The following LAMC1 variants were observed in gnomAD, a reference collection of about 807,000 sequenced individuals.
LAMC1 encodes laminin subunit gamma-1.
A neutral mutation model predicts 173.6 loss-of-function variants in LAMC1; 38 were observed. The ratio of observed to expected loss-of-function variants is 0.22; its 90% CI spans 0.17 to 0.29. The LOEUF (loss-of-function observed/expected upper bound fraction) is 0.29, where lower values mean the gene tolerates loss of function less well. Among genes scored for constraint, LAMC1 ranks in the 10% least tolerant of loss-of-function variants. LAMC1 has a pLI of 1.00. For missense variants in LAMC1, 1,824 were observed against 2,051.8 expected, an observed-to-expected ratio of 0.89 and a Z score of 2.14; for synonymous variants, 746 against 749.1, an observed-to-expected ratio of 1.00 and a Z score of 0.07.
chr1:183,086,208 G>A (rs1044806115), intron 1 of LAMC1, among the ~76,000 whole-genome samples: 5 of 152,230 alleles, frequency 3.3e-5, no homozygotes, highest in African/African-American at 1.2e-4. Flanking sequence ...TGACTTAACA[G>A]TGCAGAATCA....
At chr1:183,073,424 T>C (rs1403355746) in intron 1 of LAMC1, among the ~76,000 whole-genome samples, 2 of 152,056 alleles carry the variant, frequency 1.3e-5, no homozygotes, top group Non-Finnish European at 1.5e-5. Flanking sequence ...AGAGTCAGAG[T>C]TCAGGGCCTT....
intron 1 of LAMC1, 108 bp downstream of exon 1, chr1:183,024,242 C>A (rs1398710043): frequency 1.3e-5 from 14 of 1,084,244 alleles, no homozygotes; most frequent in Non-Finnish European, 1.8e-5. Context: ...CGCGTGTTTG[C>A]TCTCTGTTCC....
At position 183,114,585 on chromosome 1, in the gene LAMC1, G is replaced by A. The variant is rs374494326; in HGVS notation, c.1076G>A (p.Arg359His). Reference protein sequence around the residue: ...QECYFDPELYRSTGHGGHCTN... With the variant: ...QECYFDPELYHSTGHGGHCTN... ...TGCTACTTCGACCCTGAACTCTATC[G>A]TTCCACTGGCCATGGGGGCCACTGT... Residue 359 changes from arginine (R) to histidine (H), a missense_variant, in exon 5 of 28, where the codon CGT becomes CAT. Coordinates refer to ENST00000258341, the MANE Select transcript of LAMC1 (RefSeq NM_002293.4). The A allele has an allele frequency of 4.3e-6, 7 of 1,614,150 alleles. No homozygotes were observed. In the East Asian group the frequency reaches 8.9e-5, roughly 21 times the overall value.
intron 1 of LAMC1, among the ~76,000 whole-genome samples, chr1:183,102,967 A>G (rs746318248): frequency 2.0e-5 from 3 of 152,220 alleles, no homozygotes; most frequent in Non-Finnish European, 4.4e-5. Context: ...TTGCTTTTGT[A>G]TCTTTTAATT....
chr1:183,132,427 T>C lies in LAMC1; in HGVS notation c.3594T>C (p.Val1198=). Residue 1198 remains valine (V), a synonymous_variant, in exon 21 of 28, where the codon GTT becomes GTC. Coordinates refer to ENST00000258341, the MANE Select transcript of LAMC1 (RefSeq NM_002293.4). ...ATAAACAGGAAGCTGATGACATTGT[T>C]CGAGTGGCAAAGACAGCCAATGATA... ...ERHKQEADDI[V]RVAKTANDTS... 1 of 1,613,982 alleles carries C rather than the reference T, an allele frequency of 6.2e-7. No homozygotes were observed. The highest frequency in any genetic ancestry group is 1.1e-5 in the South Asian group (1 of 91,062).
At chr1:183,111,093 TTTTC>T (rs1656137185) in intron 4 of LAMC1, among the ~76,000 whole-genome samples, 1 of 127,828 alleles carries the variant, frequency 7.8e-6, no homozygotes, top group African/African-American at 2.6e-5. Flanking sequence ...TTCTTTTTTC[TTTTC>T]TTTTTTTTTT....
chr1:183,134,690 G>A lies in LAMC1; in HGVS notation c.3880G>A (p.Glu1294Lys). ...AGCAAATAACATAAAGATGGAAGCT[G>A]AGAATCTGGAACAACTGATTGACCA... ...NEANNIKMEAENLEQLIDQKL... is the reference protein window; with the variant it reads ...NEANNIKMEAKNLEQLIDQKL... Residue 1294 changes from glutamate (E) to lysine (K), a missense_variant, in exon 23 of 28, where the codon GAG (glutamate) becomes AAG (lysine). Transcript: ENST00000258341. 2 of 1,612,938 alleles carry A rather than the reference G, an allele frequency of 1.2e-6. No individual in the cohort carries two copies. The highest frequency in any genetic ancestry group is 1.7e-6 in the Non-Finnish European group (2 of 1,179,538).
chr1:183,129,077 A>G (rs1047459933), intron 18 of LAMC1, among the ~76,000 whole-genome samples: 1 of 140,912 alleles, frequency 7.1e-6, no homozygotes, highest in South Asian at 2.4e-4. Flanking sequence ...ATGCGTCTTC[A>G]TAAGCTTTTT....
chr1:183,062,506 T>G (rs7547953), intron 1 of LAMC1, among the ~76,000 whole-genome samples: 76,232 of 151,838 alleles, frequency 0.5, 19,766 homozygotes, highest in South Asian at 0.64. Flanking sequence ...ATAAAAATTA[T>G]CTGGGCGTGG....
intron 1 of LAMC1, among the ~76,000 whole-genome samples, chr1:183,048,563 G>A (rs1416754736): frequency 6.6e-6 from 1 of 152,058 alleles, no homozygotes; most frequent in Admixed American, 6.5e-5. Context: ...AGTAATCCCT[G>A]AGCTATTACC....
At chr1:183,044,664 C>G (rs10911208) in intron 1 of LAMC1, among the ~76,000 whole-genome samples, 17,817 of 152,104 alleles carry the variant, frequency 0.12, 1,178 homozygotes, top group Admixed American at 0.21. Context: ...GCTATTTCCT[C>G]AAGATTTAAG....
At chr1:183,108,165 A>T (rs1314244345) in intron 2 of LAMC1, 111 bp from the exon 3 acceptor site, 3 of 968,092 alleles carry the variant, frequency 3.1e-6, no homozygotes, top group Non-Finnish European at 4.8e-6. Flanking sequence ...AGTGCTAAAG[A>T]GGGCGTAAGT....
chr1:183,056,922 G>A (rs191905525), intron 1 of LAMC1, among the ~76,000 whole-genome samples: 1 of 152,174 alleles, frequency 6.6e-6, no homozygotes. Context: ...ACTTTAGTTG[G>A]TAGGTATACT....
chr1:183,074,649 A>G (rs2102043645), intron 1 of LAMC1, among the ~76,000 whole-genome samples: 1 of 152,340 alleles, frequency 6.6e-6, no homozygotes. Flanking sequence ...AGGAAGAGCT[A>G]GACCTTTTCT....
At chr1:183,110,758 G>A (rs542646111) in intron 4 of LAMC1, 104 bp downstream of exon 4, 3 of 1,190,238 alleles carry the variant, frequency 2.5e-6, no homozygotes, top group Admixed American at 4.3e-5. Context: ...GGAAAGCTCT[G>A]AAAGGCCAGC....
intron 1 of LAMC1, among the ~76,000 whole-genome samples, chr1:183,044,108 C>T (rs1654206360): frequency 6.6e-6 from 1 of 151,914 alleles, no homozygotes. Flanking sequence ...ATTGCTTTTG[C>T]CTGTTGTGTT....
intron 1 of LAMC1, among the ~76,000 whole-genome samples, chr1:183,037,275 A>G (rs138336872): frequency 1.9e-4 from 29 of 152,352 alleles, no homozygotes; most frequent in African/African-American, 7.0e-4. Flanking sequence ...TCATTTATAC[A>G]GGGAATGCCA....
intron 1 of LAMC1, among the ~76,000 whole-genome samples, chr1:183,093,489 C>G (rs529581540): frequency 2.0e-5 from 3 of 152,140 alleles, no homozygotes; most frequent in Admixed American, 2.0e-4. Flanking sequence ...TCCCCCATTG[C>G]TAAAAGTTGG....
In LAMC1 at chr1:183,103,631, A is replaced by T; in HGVS notation, c.722A>T (p.Gln241Leu). 6.5e-7 allele frequency: 1 copy of T among 1,532,842 alleles called. No homozygotes were observed. Among genetic ancestry groups the T allele is most frequent in the Non-Finnish European group, 8.8e-7 (1 of 1,141,346 alleles). 95.0% of individuals were successfully genotyped at this position (1,532,842 alleles called of 1,614,324 possible). The change falls in exon 2 of 28, where the codon CAG becomes CTG. Residue 241 changes from glutamine to leucine, a missense_variant and splice_region_variant. Coordinates refer to ENST00000258341, the MANE Select transcript of LAMC1 (RefSeq NM_002293.4). Reference protein sequence around the residue: ...AYNFDNSPVLQEWVTATDIRV... With the variant: ...AYNFDNSPVLLEWVTATDIRV... Reference sequence around the variant, plus strand: ...AACTTTGACAATAGCCCTGTGCTGCAGGTAAATTCTCACAGGTTGGCCTGA... The same window carrying T: ...AACTTTGACAATAGCCCTGTGCTGCTGGTAAATTCTCACAGGTTGGCCTGA...
Sources: gnomAD v4.1 joint callset for allele counts (sites outside exome capture counted in the v4.1 genomes callset) on GRCh38, gnomAD v4.1.1 for gene constraint, MANE v1.5 for transcripts, NCBI Gene and HGNC (gene_info 2026-07-23, HGNC 2026-07-21) for gene names.